Variants in ACO1 observed in about 807,000 individuals in gnomAD.
ACO1 encodes the protein aconitase 1.
A neutral mutation model predicts 105.1 loss-of-function variants in ACO1; 78 were observed. The observed-to-expected ratio is 0.74, with a 90% CI of 0.62 to 0.90. The LOEUF (loss-of-function observed/expected upper bound fraction) is 0.90. Ranked by LOEUF, ACO1 falls within the 40% of genes least tolerant of loss-of-function variation. The pLI is 0.00. For synonymous variants in ACO1, 364 were observed against 397.4 expected, an observed-to-expected ratio of 0.92 and a Z score of 1.00; for missense variants, 965 against 1,111.1, an observed-to-expected ratio of 0.87 and a Z score of 1.87.
chr9:32,401,970 C>T (rs534091577), intron 1 of ACO1, among the ~76,000 whole-genome samples: 1 of 152,302 alleles, frequency 6.6e-6, no homozygotes, highest in Admixed American at 6.5e-5. Flanking sequence ...ATTATCTTGA[C>T]TTTCAGAATG....
intron 8 of ACO1, 116 bp downstream of exon 8, chr9:32,421,143 A>T: frequency 1.7e-6 from 2 of 1,175,598 alleles, no homozygotes; most frequent in South Asian, 1.7e-5. Context: ...ACAGTTACAC[A>T]ATTATTTTTT....
At position 32,384,682 on chromosome 9, in the gene ACO1, C is replaced by A. The variant is rs1003233378; in HGVS notation, c.-76C>A. The A allele has an allele frequency of 3.2e-5, 13 of 408,340 alleles. No homozygotes were observed. Among genetic ancestry groups the A allele is most frequent in the Admixed American group, 1.1e-4 (4 of 36,130 alleles). 25.3% of individuals were successfully genotyped at this position (408,340 alleles called of 1,614,324 possible). On this transcript the variant is annotated 5_prime_UTR_variant, in exon 1 of 21. Coordinates refer to ENST00000309951, the MANE Select transcript of ACO1 (RefSeq NM_002197.3). ...AACCGCGCAGCGCACGGGAACGCGT[C>A]CCGCTGCTTGGGTCAGGTTCGCCGG...
intron 1 of ACO1, among the ~76,000 whole-genome samples, chr9:32,404,561 C>T (rs1420439434): frequency 6.6e-6 from 1 of 152,230 alleles, no homozygotes; most frequent in Non-Finnish European, 1.5e-5. Flanking sequence ...GGCAAGCATT[C>T]CTTCATGCCC....
chr9:32,413,482 CAAAAAA>C (rs35294620), intron 4 of ACO1, among the ~76,000 whole-genome samples: 9 of 132,640 alleles, frequency 6.8e-5, no homozygotes, highest in East Asian at 2.2e-4. Flanking sequence ...GACTCTATCT[CAAAAAA>C]AAAAAAAAAA....
chr9:32,408,395 T>G, intron 3 of ACO1, 119 bp from the exon 4 acceptor site: 1 of 1,149,912 alleles, frequency 8.7e-7, no homozygotes, highest in Non-Finnish European at 1.2e-6. Flanking sequence ...GTCTCACCCA[T>G]TGTTAGCTCC....
chr9:32,405,338 A>T (rs1489668208), intron 1 of ACO1, 147 bp from the exon 2 acceptor site: 3 of 573,608 alleles, frequency 5.2e-6, no homozygotes, highest in East Asian at 5.8e-5. Flanking sequence ...ATTTTTAACT[A>T]TTTTTTTTAA....
chr9:32,453,898 T>C lies in ACO1; in HGVS notation c.*3787T>C, dbSNP rs1381616331. The C allele has an allele frequency of 1.3e-5, 2 of 152,238 alleles. No homozygotes were observed. Among genetic ancestry groups the C allele is most frequent in the East Asian group, 3.8e-4 (2 of 5,206 alleles). The allele number at this position is 152,238 out of a possible 1,614,324, so 9.4% of individuals were successfully genotyped here. On this transcript the variant is annotated 3_prime_UTR_variant, in exon 21 of 21. Transcript: ENST00000309951. ...AAGATTATATAACGATAGCTGATATTAAGTAAGTTTTAAAAGTTGACATCC... is the reference window on the plus strand; with the variant it reads ...AAGATTATATAACGATAGCTGATATCAAGTAAGTTTTAAAAGTTGACATCC...
chr9:32,418,568 C>G (rs1821903164), intron 6 of ACO1, 57 bp downstream of exon 6: 1 of 1,505,928 alleles, frequency 6.6e-7, no homozygotes. Flanking sequence ...CACTGTGATT[C>G]TATTACATCT....
intron 19 of ACO1, among the ~76,000 whole-genome samples, chr9:32,441,218 G>T (rs78138079): frequency 0.016 from 2,497 of 152,136 alleles, 63 homozygotes; most frequent in African/African-American, 0.058. Context: ...GCCATCTCGG[G>T]GCTCTACCTC....
intron 1 of ACO1, among the ~76,000 whole-genome samples, chr9:32,393,778 C>T (rs951958826): frequency 6.6e-6 from 1 of 152,188 alleles, no homozygotes; most frequent in African/African-American, 2.4e-5. Flanking sequence ...AAAGAACCTA[C>T]GTGAAATATC....
Position 32,423,394 on chromosome 9 carries a change from C to T in ACO1, c.1046C>T (p.Pro349Leu). 1 of 1,600,872 alleles carries T rather than the reference C, an allele frequency of 6.2e-7. No individual in the cohort carries two copies. Residue 349 changes from proline (P) to leucine (L), a missense_variant, in exon 9 of 21, where the codon CCT (proline) becomes CTT (leucine). Physicochemically the swap from Pro to Leu is moderately conservative, Grantham distance 98. Coordinates refer to ENST00000309951, the MANE Select transcript of ACO1 (RefSeq NM_002197.3). ...GGAATGTTTCGAGATTTCAATGACC[C>T]TTCTCAAGACCCAGACTTCACCCAG... ...AVGMFRDFND[P>L]SQDPDFTQVV...
intron 20 of ACO1, among the ~76,000 whole-genome samples, chr9:32,449,688 C>T (rs1009470978): frequency 6.6e-6 from 1 of 152,146 alleles, no homozygotes; most frequent in Non-Finnish European, 1.5e-5. Context: ...GAAAATACCA[C>T]CCTGATGTCA....
intron 10 of ACO1, among the ~76,000 whole-genome samples, chr9:32,425,247 G>C (rs1195887276): frequency 6.6e-6 from 1 of 152,206 alleles, no homozygotes; most frequent in Non-Finnish European, 1.5e-5. Context: ...AGCCCGCAAG[G>C]TACCTAGCAC....
At chr9:32,398,532 C>T (rs959455739) in intron 1 of ACO1, among the ~76,000 whole-genome samples, 1 of 150,568 alleles carries the variant, frequency 6.6e-6, no homozygotes, top group Non-Finnish European at 1.5e-5. Flanking sequence ...ACCCAGGGTT[C>T]GGAATTTCTT....
chr9:32,440,621 C>T (rs200714809), intron 19 of ACO1, 34 bp downstream of exon 19: 6 of 1,607,394 alleles, frequency 3.7e-6, no homozygotes, highest in African/African-American at 1.3e-5. Flanking sequence ...GGAGGCAGCT[C>T]CCCTCTGAAC....
At position 32,454,762 on chromosome 9, in the gene ACO1, C is replaced by A. The variant is rs1220685998; in HGVS notation, c.*4651C>A. ...TGACATTATTCCATTAAAAGTCAAA[C>A]AAGGAAATGCTAAGTTCTCCTTATT... On this transcript the variant is annotated 3_prime_UTR_variant, in exon 21 of 21. Transcript: ENST00000309951. The A allele has an allele frequency of 6.6e-6, 1 of 150,818 alleles. No individual in the cohort carries two copies. Among genetic ancestry groups the A allele is most frequent in the Non-Finnish European group, 1.5e-5 (1 of 67,728 alleles). 9.3% of individuals were successfully genotyped at this position (150,818 alleles called of 1,614,324 possible).
chr9:32,437,738 ACTT>A (rs1822393281), intron 18 of ACO1, among the ~76,000 whole-genome samples: 1 of 152,108 alleles, frequency 6.6e-6, no homozygotes, highest in Non-Finnish European at 1.5e-5. Context: ...AAAATTATAT[ACTT>A]AGAGAAGAGT....
Position 32,449,995 on chromosome 9 carries a change from C to A in ACO1, c.2557-3C>A. On this transcript the variant is annotated splice_polypyrimidine_tract_variant and splice_region_variant and intron_variant, in intron 20 of 20. Coordinates refer to ENST00000309951, the MANE Select transcript of ACO1 (RefSeq NM_002197.3). Reference sequence around the variant, plus strand: ...ATGATGCTTCTGTTTCTTTGTGCCACAGCTGGATACTGGCAAGACCTTCCA... The same window carrying A: ...ATGATGCTTCTGTTTCTTTGTGCCAAAGCTGGATACTGGCAAGACCTTCCA... 2 of 1,612,604 alleles carry A rather than the reference C, an allele frequency of 1.2e-6. No homozygotes were observed. The highest frequency in any genetic ancestry group is 1.7e-6 in the Non-Finnish European group (2 of 1,178,790).
At chr9:32,442,932 T>G (rs1056835526) in intron 19 of ACO1, among the ~76,000 whole-genome samples, 19 of 152,204 alleles carry the variant, frequency 1.2e-4, no homozygotes, top group Admixed American at 6.5e-5. Context: ...GCCTCTACAT[T>G]ATGAGCAATC....
Sources: gnomAD v4.1 joint callset for allele counts (sites outside exome capture counted in the v4.1 genomes callset) on GRCh38, gnomAD v4.1.1 for gene constraint, MANE v1.5 for transcripts, NCBI Gene and HGNC (gene_info 2026-07-23, HGNC 2026-07-21) for gene names.